Variants in TMPRSS9 observed in about 807,000 individuals in gnomAD.
The protein encoded by TMPRSS9 is transmembrane protease serine 9.
Under a neutral mutation model 111.4 loss-of-function variants are expected in TMPRSS9, and 113 were observed. The observed-to-expected ratio is 1.01, with a 90% CI of 0.87 to 1.19. The LOEUF (loss-of-function observed/expected upper bound fraction) is 1.19. Among genes scored for constraint, TMPRSS9 ranks in the 50% most tolerant of loss-of-function variants. The pLI, the probability that TMPRSS9 is intolerant of heterozygous loss-of-function variation, is 0.00. For missense variants in TMPRSS9, 1,803 were observed against 1,513.1 expected (o/e 1.19, Z -3.18); for synonymous variants, 805 against 659.1 (o/e 1.22, Z -3.39).
intron 1 of TMPRSS9, among the ~76,000 whole-genome samples, chr19:2,394,872 C>G (rs185304583): frequency 1.3e-5 from 2 of 152,052 alleles, no homozygotes; most frequent in East Asian, 3.8e-4. Context: ...TGGTTGCTCT[C>G]GTAGTTTTTA....
intron 5 of TMPRSS9, among the ~76,000 whole-genome samples, chr19:2,402,608 C>T (rs1025683027): frequency 2.0e-5 from 3 of 151,782 alleles, no homozygotes; most frequent in Admixed American, 1.3e-4. Context: ...CGTGGTGGGG[C>T]GTGCCTGTAA....
At chr19:2,377,237 T>C (rs944979227) in intron 1 of TMPRSS9, among the ~76,000 whole-genome samples, 191 of 144,716 alleles carry the variant, frequency 1.3e-3, no homozygotes, top group Non-Finnish European at 2.3e-3. Context: ...TTTCTTTCTT[T>C]TTTTACTGTA....
At chr19:2,361,116 G>A (rs952528024) in intron 1 of TMPRSS9, among the ~76,000 whole-genome samples, 16 of 136,560 alleles carry the variant, frequency 1.2e-4, no homozygotes, top group African/African-American at 4.2e-4. Flanking sequence ...GGCGGGAAAG[G>A]GGCTGACAGC....
intron 1 of TMPRSS9, among the ~76,000 whole-genome samples, chr19:2,363,799 T>G (rs1599272393): frequency 7.7e-6 from 1 of 129,604 alleles, no homozygotes; most frequent in East Asian, 2.7e-4. Flanking sequence ...AGTGTGTGTG[T>G]GTGTGCGTGC....
intron 1 of TMPRSS9, among the ~76,000 whole-genome samples, chr19:2,373,748 C>A (rs1970308926): frequency 6.6e-6 from 1 of 152,240 alleles, no homozygotes; most frequent in Non-Finnish European, 1.5e-5. Context: ...GATCCACCCG[C>A]CTCAGCCTCT....
rs554798335 is a variant in TMPRSS9, at chr19:2,392,082, C to T, written c.142+2155C>T. ...AAGCACTTAAGGCCAAGTGTGGTGGCTCCTGCCTGTAATCCCAGCACTCTG... is the reference window on the plus strand; with the variant it reads ...AAGCACTTAAGGCCAAGTGTGGTGGTTCCTGCCTGTAATCCCAGCACTCTG... On this transcript the variant is annotated intron_variant, in intron 1 of 17. Coordinates refer to ENST00000648592, the Ensembl canonical transcript of TMPRSS9. Among the ~76,000 whole-genome samples the T allele has an allele frequency of 2.0e-5, 3 of 152,042 alleles. No individual in the cohort carries two copies. The East Asian group carries it at 5.9e-4, about 30-fold the overall frequency.
rs750689722 is a variant in TMPRSS9, at chr19:2,421,906, T to C, written c.2207T>C (p.Leu736Pro). ...GAGGAGGCCCCTGGCGTGTTTTATC[T>C]GGCAGGGATCGTGAGCTGGGGTATT... The change falls in exon 14 of 18, where the codon CTG (leucine) becomes CCG (proline). Residue 736 changes from leucine to proline, a missense_variant. Transcript: ENST00000648592. 3.7e-6 allele frequency: 6 copies of C among 1,612,680 alleles called. No individual in the cohort carries two copies. In the South Asian group the frequency reaches 6.6e-5, roughly 18 times the overall value.
exon 8 of TMPRSS9, chr19:2,408,431 G>T: frequency 6.2e-7 from 1 of 1,613,866 alleles, no homozygotes; most frequent in South Asian, 1.1e-5. Context: ...GCACCGTGCG[G>T]GCCCAGGTGG....
chr19:2,398,582 C>T (rs988223967), intron 2 of TMPRSS9, among the ~76,000 whole-genome samples: 4 of 152,236 alleles, frequency 2.6e-5, no homozygotes, highest in South Asian at 2.1e-4. Context: ...TGCACTACTG[C>T]ACTCCAGCCT....
chr19:2,402,935 CAA>C (rs1970882549), intron 5 of TMPRSS9, 145 bp from the exon 7 acceptor site: 2 of 633,860 alleles, frequency 3.2e-6, no homozygotes, highest in South Asian at 3.6e-5. Flanking sequence ...GTCTCAAAAA[CAA>C]AAATAAAAAC....
rs185079641 is a variant in TMPRSS9 at position 2,371,886 on chromosome 19, C to G, written c.-26+11526C>G. On this transcript the variant is annotated intron_variant, in intron 1 of 17. Transcript: ENST00000649857. ...GGGCCAGAGGATGCCGAGAGAGTGG[C>G]GTCTGTTGGGCTGGAGGCTGGTCGA... Among the ~76,000 whole-genome samples, 594 of 152,224 alleles carry G rather than the reference C, an allele frequency of 3.9e-3. 4 individuals carry two copies. Among genetic ancestry groups the G allele is most frequent in the African/African-American group, 0.014 (564 of 41,538 alleles).
chr19:2,395,075 G>A (rs1670938604), intron 1 of TMPRSS9, among the ~76,000 whole-genome samples: 1 of 152,152 alleles, frequency 6.6e-6, no homozygotes, highest in African/African-American at 2.4e-5. Flanking sequence ...GAGGTCAGGA[G>A]TTCCCGACCA....
At chr19:2,418,191 C>G in intron 13 of TMPRSS9, 53 bp downstream of exon 14, 1 of 1,541,102 alleles carries the variant, frequency 6.5e-7, no homozygotes, top group Admixed American at 1.8e-5. Context: ...TGCCCACAGC[C>G]GTTCACCCAG....
At chr19:2,378,535 T>A (rs1422295477) in intron 1 of TMPRSS9, among the ~76,000 whole-genome samples, 3 of 152,134 alleles carry the variant, frequency 2.0e-5, no homozygotes, top group African/African-American at 4.8e-5. Flanking sequence ...CTGGCCAATA[T>A]GGTGAAACCC....
At chr19:2,371,110 G>T (rs1205039139) in intron 1 of TMPRSS9, among the ~76,000 whole-genome samples, 1 of 152,170 alleles carries the variant, frequency 6.6e-6, no homozygotes, top group African/African-American at 2.4e-5. Flanking sequence ...TGAGCCCACA[G>T]CTCACTCCTG....
Position 2,405,564 on chromosome 19 carries a change from G to A in TMPRSS9, c.842+19G>A. ...TCAATGAGTAAGCCCCCATCCCAAA[G>A]CACCAAACCCGAACCCTCTGTATTT... On this transcript the variant is annotated intron_variant, in intron 7 of 17. Transcript: ENST00000648592. 6.6e-7 allele frequency: 1 copy of A among 1,513,156 alleles called. No homozygotes were observed. The highest frequency in any genetic ancestry group is 1.3e-5 in the South Asian group (1 of 77,030). The allele number at this position is 1,513,156 out of a possible 1,614,324, so 93.7% of individuals were successfully genotyped here.
intron 1 of TMPRSS9, among the ~76,000 whole-genome samples, chr19:2,396,007 C>CA (rs1970699623): frequency 6.6e-6 from 1 of 152,080 alleles, no homozygotes; most frequent in Admixed American, 6.6e-5. Context: ...GACTCTGTCT[C>CA]AAACAAACAA....
At chr19:2,425,053 C>T in exon 16 of TMPRSS9, 2 of 1,562,824 alleles carry the variant, frequency 1.3e-6, no homozygotes, top group Non-Finnish European at 1.7e-6. Context: ...CGTTCCTGAG[C>T]GGCGCGGAGG....
chr19:2,363,803 T>TGCGCGC, intron 1 of TMPRSS9, among the ~76,000 whole-genome samples: 1 of 116,636 alleles, frequency 8.6e-6, no homozygotes, highest in African/African-American at 3.3e-5. Context: ...TGTGTGTGTG[T>TGCGCGC]GCGTGCGCGC....
Sources: gnomAD v4.1 joint callset for allele counts (sites outside exome capture counted in the v4.1 genomes callset) on GRCh38, gnomAD v4.1.1 for gene constraint, MANE v1.5 for transcripts, NCBI Gene and HGNC (gene_info 2026-07-23, HGNC 2026-07-21) for gene names.